OTUD3: variants seen among roughly 807,000 people sequenced by gnomAD.
OTUD3 encodes the protein OTU deubiquitinase 3, also known as OTU domain-containing protein 3.
In OTUD3, 24 loss-of-function variants were observed where a neutral mutation model predicts 46.2. That is an observed-to-expected ratio of 0.52 (90% CI 0.38 to 0.73). OTUD3 has a LOEUF of 0.73. Among genes scored for constraint, OTUD3 ranks in the 30% least tolerant of loss-of-function variants. The probability of loss-of-function intolerance (pLI) is 0.00; values close to 1 mark genes in which losing one functional copy is unlikely to be tolerated. For synonymous variants in OTUD3, 189 were observed against 195.4 expected (o/e 0.97, Z 0.27); for missense variants, 455 against 523.3 (o/e 0.87, Z 1.27).
In OTUD3 at chr1:19,882,636, G is replaced by A. The variant is rs1040797147; in HGVS notation, c.123G>A (p.Pro41=). The part of the protein sequence containing the change: ...RALAKERRNR[P]ESGGGGGCEE... The stretch of plus-strand genomic sequence containing the variant: ...TGGCCAAGGAGCGGCGGAATCGGCC[G>A]GAGTCTGGCGGCGGCGGCGGCTGCG... Residue 41 remains proline, a synonymous_variant, in exon 1 of 8, where the codon CCG becomes CCA. Coordinates refer to ENST00000375120, the MANE Select transcript of OTUD3 (RefSeq NM_015207.2). 3 of 1,461,900 alleles carry A rather than the reference G, an allele frequency of 2.1e-6. No individual in the cohort carries two copies. The highest frequency in any genetic ancestry group is 2.9e-5 in the African/African-American group (2 of 68,172). 90.6% of individuals were successfully genotyped at this position (1,461,900 alleles called of 1,614,324 possible).
chr1:19,887,192 C>G (rs1361191999), intron 1 of OTUD3, among the ~76,000 whole-genome samples: 1 of 151,164 alleles, frequency 6.6e-6, no homozygotes, highest in Non-Finnish European at 1.5e-5. Flanking sequence ...TCAAGCGATT[C>G]TCCTGCCTCG....
intron 1 of OTUD3, 46 bp downstream of exon 1, chr1:19,882,780 G>A: frequency 7.9e-7 from 1 of 1,263,656 alleles, no homozygotes; most frequent in South Asian, 2.8e-5. Context: ...GGGACGCGCC[G>A]GGCTCGGCCT....
chr1:19,896,653 A>C (rs1379293957), intron 3 of OTUD3, among the ~76,000 whole-genome samples: 3 of 152,150 alleles, frequency 2.0e-5, no homozygotes, highest in Admixed American at 1.3e-4. Flanking sequence ...GTATCTTACT[A>C]TGTGTGATTT....
chr1:19,891,567 C>T (rs183468237), intron 2 of OTUD3, among the ~76,000 whole-genome samples: 10 of 152,252 alleles, frequency 6.6e-5, no homozygotes, highest in African/African-American at 1.9e-4. Context: ...AACCAAGCCA[C>T]ACTTTGGCAG....
At chr1:19,889,838 T>G (rs2045423032) in intron 1 of OTUD3, among the ~76,000 whole-genome samples, 1 of 152,236 alleles carries the variant, frequency 6.6e-6, no homozygotes, top group Non-Finnish European at 1.5e-5. Flanking sequence ...CTCATGACTT[T>G]CTCCACTATG....
At chr1:19,892,425 G>A (rs1385824749) in intron 2 of OTUD3, among the ~76,000 whole-genome samples, 1 of 152,182 alleles carries the variant, frequency 6.6e-6, no homozygotes, top group Non-Finnish European at 1.5e-5. Flanking sequence ...CGGTGTGGCA[G>A]TGCCCGGCAT....
intron 1 of OTUD3, among the ~76,000 whole-genome samples, chr1:19,889,555 C>G (rs1195266061): frequency 6.6e-6 from 1 of 152,040 alleles, no homozygotes; most frequent in Non-Finnish European, 1.5e-5. Context: ...TTTAAGGATA[C>G]CAGATTGTGT....
chr1:19,892,460 AAATGAATG>A (rs1254152343), intron 2 of OTUD3, among the ~76,000 whole-genome samples: 1 of 152,174 alleles, frequency 6.6e-6, no homozygotes, highest in Admixed American at 6.5e-5. Flanking sequence ...TAAAGTGAAT[AAATGAATG>A]GTTCACTATA....
rs775470797 is a variant in OTUD3, at chr1:19,907,619, G to A, written c.1070G>A (p.Arg357Gln). The A allele has an allele frequency of 5.6e-6, 9 of 1,614,128 alleles. No individual in the cohort carries two copies. Among genetic ancestry groups the A allele is most frequent in the South Asian group, 4.4e-5 (4 of 91,082 alleles). The change falls in exon 8 of 8, where the codon CGG (arginine) becomes CAG (glutamine). Residue 357 changes from arginine (R) to glutamine (Q), a missense_variant. Physicochemically the swap from Arg to Gln is conservative, Grantham distance 43. Transcript: ENST00000375120. ...REQQWMEKKK[R>Q]QEERHRHKAL... ...CAGCAGTGGATGGAGAAGAAGAAGC[G>A]GCAGGAGGAGAGGCACCGCCACAAA... is the stretch of plus-strand genomic sequence containing the variant.
At chr1:19,900,750 C>G (rs1490999291) in intron 4 of OTUD3, among the ~76,000 whole-genome samples, 2 of 151,574 alleles carry the variant, frequency 1.3e-5, no homozygotes, top group Non-Finnish European at 2.9e-5. Context: ...ATGTTGATGC[C>G]TCATTGTTTT....
Position 19,897,621 on chromosome 1 carries a change from A to G in OTUD3, c.565A>G (p.Ile189Val), listed in dbSNP as rs1390689297. ...AGAGCACTACGACAGTGTTCGGAGG[A>G]TCAATGACAACTCAGAGGCACCTGC... ...YGEHYDSVRR[I>V]NDNSEAPAHL... The change falls in exon 4 of 8, where the codon ATC becomes GTC. Residue 189 changes from isoleucine to valine, a missense_variant. Coordinates refer to ENST00000375120, the MANE Select transcript of OTUD3 (RefSeq NM_015207.2). The G allele has an allele frequency of 6.2e-7, 1 of 1,613,972 alleles. No homozygotes were observed.
intron 2 of OTUD3, among the ~76,000 whole-genome samples, chr1:19,893,899 C>A (rs2045483420): frequency 6.6e-6 from 1 of 152,228 alleles, no homozygotes; most frequent in Non-Finnish European, 1.5e-5. Context: ...GTAGGTGAAA[C>A]CTCAGCTCCA....
Position 19,907,674 on chromosome 1 carries a change from C to A in OTUD3, c.1125C>A (p.Asp375Glu). ...TGGAGAGCAGAGGTAGCCACAGGGACAATAACAGAAGCGAAGCAGAGGCGA... is the reference window on the plus strand; with the variant it reads ...TGGAGAGCAGAGGTAGCCACAGGGAAAATAACAGAAGCGAAGCAGAGGCGA... ...KALESRGSHR[D>E]NNRSEAEANT... Residue 375 changes from aspartate (D) to glutamate (E), a missense_variant, in exon 8 of 8, where the codon GAC (aspartate) becomes GAA (glutamate). Coordinates refer to ENST00000375120, the MANE Select transcript of OTUD3 (RefSeq NM_015207.2). The A allele has an allele frequency of 6.2e-7, 1 of 1,614,198 alleles. No homozygotes were observed. The highest frequency in any genetic ancestry group is 8.5e-7 in the Non-Finnish European group (1 of 1,180,034).
chr1:19,889,229 A>C lies in OTUD3; in HGVS notation c.222-1156A>C, dbSNP rs145647701. Reference sequence around the variant, plus strand: ...CACTCCTTCTAGAATCTTGTCTTAGATTGTTGGAAAGCTTCTTGGTTTTTA... The same window carrying C: ...CACTCCTTCTAGAATCTTGTCTTAGCTTGTTGGAAAGCTTCTTGGTTTTTA... On this transcript the variant is annotated intron_variant, in intron 1 of 7. Coordinates refer to ENST00000375120, the MANE Select transcript of OTUD3 (RefSeq NM_015207.2). 3.9e-5 allele frequency among the ~76,000 whole-genome samples: 6 copies of C among 151,934 alleles called. No individual in the cohort carries two copies. In the East Asian group the frequency reaches 1.2e-3, roughly 29 times the overall value.
At position 19,887,497 on chromosome 1, in the gene OTUD3, C is replaced by A. The variant is rs191730469; in HGVS notation, c.222-2888C>A. On this transcript the variant is annotated intron_variant, in intron 1 of 7. Transcript: ENST00000375120. ...ATGCTCAGTAGTCACATGCGGTTAG[C>A]AACCACTATTAAACAACACACATCT... Among the ~76,000 whole-genome samples, 15 of 152,292 alleles carry A rather than the reference C, an allele frequency of 9.8e-5. No homozygotes were observed. In the East Asian group the frequency reaches 2.5e-3, roughly 25 times the overall value.
At chr1:19,886,518 C>A (rs1405990738) in intron 1 of OTUD3, among the ~76,000 whole-genome samples, 4 of 152,136 alleles carry the variant, frequency 2.6e-5, no homozygotes, top group Non-Finnish European at 1.5e-5. Flanking sequence ...ACTAGAATAT[C>A]TGGGGAGGAA....
chr1:19,904,296 T>G lies in OTUD3; in HGVS notation c.636T>G (p.Asn212Lys), dbSNP rs753050918. The G allele has an allele frequency of 1.2e-5, 20 of 1,607,716 alleles. No homozygotes were observed. Among genetic ancestry groups the G allele is most frequent in the Non-Finnish European group, 1.7e-5 (20 of 1,177,366 alleles). ...DFQMLHQDES[N>K]KREKIKTKGM... ...AGATGCTTCATCAAGATGAATCAAA[T>G]AAAAGAGAAAAGATCAAGACAAAGG... Residue 212 changes from asparagine to lysine, a missense_variant, in exon 5 of 8, where the codon AAT becomes AAG. Transcript: ENST00000375120.
chr1:19,882,836 G>A, intron 1 of OTUD3, 102 bp downstream of exon 1: 1 of 1,080,508 alleles, frequency 9.3e-7, no homozygotes, highest in Non-Finnish European at 1.2e-6. Context: ...CATTCGGGCG[G>A]CCCGGGCGCC....
At chr1:19,899,362 A>C (rs1291274698) in intron 4 of OTUD3, among the ~76,000 whole-genome samples, 1 of 152,200 alleles carries the variant, frequency 6.6e-6, no homozygotes, top group Non-Finnish European at 1.5e-5. Flanking sequence ...TCCTACACAT[A>C]CTACACATCC....
Sources: allele counts gnomAD v4.1 joint callset (sites outside exome capture counted in the v4.1 genomes callset), GRCh38; gene constraint gnomAD v4.1.1; transcripts MANE v1.5; gene names NCBI Gene and HGNC (gene_info 2026-07-23, HGNC 2026-07-21).